GPR107: variants seen among roughly 807,000 people sequenced by gnomAD.
GPR107 encodes the protein G protein-coupled receptor 107, also known as protein GPR107.
Under a neutral mutation model 75.5 loss-of-function variants are expected in GPR107, and 31 were observed. The observed-to-expected ratio is 0.41, with a 90% CI of 0.31 to 0.55. The LOEUF is 0.55. Among genes scored for constraint, GPR107 ranks in the 20% least tolerant of loss-of-function variants. GPR107 has a pLI of 0.26. For missense variants in GPR107, 572 were observed against 665.7 expected, an observed-to-expected ratio of 0.86 and a Z score of 1.55; for synonymous variants, 267 against 251.3, an observed-to-expected ratio of 1.06 and a Z score of -0.59.
chr9:130,067,032 A>G (rs1050012739), intron 1 of GPR107, among the ~76,000 whole-genome samples: 1 of 152,054 alleles, frequency 6.6e-6, no homozygotes, highest in Non-Finnish European at 1.5e-5. Context: ...AGCTTACTCA[A>G]GCTGACTTGG....
At chr9:130,064,749 G>A (rs1274868828) in intron 1 of GPR107, among the ~76,000 whole-genome samples, 2 of 152,090 alleles carry the variant, frequency 1.3e-5, no homozygotes, top group African/African-American at 4.8e-5. Context: ...TTTTCAGTGT[G>A]CCAGGTGCCA....
intron 14 of GPR107, chr9:130,110,560 T>C (rs1217100559): frequency 6.1e-6 from 4 of 652,514 alleles, no homozygotes; most frequent in Non-Finnish European, 1.1e-5. Flanking sequence ...TTTTGGTTCA[T>C]GTTCTTTTCC....
chr9:130,076,428 A>C lies in GPR107; in HGVS notation c.272A>C (p.Asp91Ala), dbSNP rs11795316. The change falls in exon 3 of 18, where the codon GAC (aspartate) becomes GCC (alanine). Residue 91 changes from aspartate (D) to alanine (A), a missense_variant. Coordinates refer to ENST00000347136, the MANE Select transcript of GPR107 (RefSeq NM_020960.5). ...CCCCATTAGATTGGATTTAGCCTAGACCGTACAAAGAATGATGGCTTTTCT... is the reference window on the plus strand; with the variant it reads ...CCCCATTAGATTGGATTTAGCCTAGCCCGTACAAAGAATGATGGCTTTTCT... ...DKDVTIGFSL[D>A]RTKNDGFSSY... is the part of the protein sequence containing the mutation. 1 of 1,575,124 alleles carries C rather than the reference A, an allele frequency of 6.3e-7. No homozygotes were observed. Among genetic ancestry groups the C allele is most frequent in the Admixed American group, 1.7e-5 (1 of 59,966 alleles).
intron 5 of GPR107, among the ~76,000 whole-genome samples, chr9:130,081,411 CGCCTGTAA>C (rs1156988143): frequency 4.6e-5 from 7 of 151,784 alleles, no homozygotes; most frequent in Non-Finnish European, 1.5e-5. Flanking sequence ...TGGTGGCTCA[CGCCTGTAA>C]TCCCAGCACT....
At chr9:130,064,402 T>G (rs1005265136) in intron 1 of GPR107, among the ~76,000 whole-genome samples, 1 of 150,380 alleles carries the variant, frequency 6.6e-6, no homozygotes, top group Non-Finnish European at 1.5e-5. Flanking sequence ...GGGTTTCACC[T>G]TGTTAGCCAG....
At chr9:130,114,927 G>A (rs1172257892) in intron 14 of GPR107, among the ~76,000 whole-genome samples, 1 of 152,154 alleles carries the variant, frequency 6.6e-6, no homozygotes, top group Non-Finnish European at 1.5e-5. Flanking sequence ...CCAGATGCTT[G>A]TGGTTGTTTA....
intron 5 of GPR107, 133 bp downstream of exon 5, chr9:130,079,902 T>C (rs1830451667): frequency 2.0e-6 from 1 of 507,080 alleles, no homozygotes. Context: ...TACACAAAAA[T>C]ACGTAAATGT....
chr9:130,058,183 C>T (rs961775415), intron 1 of GPR107, among the ~76,000 whole-genome samples: 4 of 152,094 alleles, frequency 2.6e-5, no homozygotes, highest in African/African-American at 9.7e-5. Flanking sequence ...ATACTCCTTG[C>T]CTTTTAAGAA....
At chr9:130,097,074 G>GC (rs1830891192) in intron 9 of GPR107, among the ~76,000 whole-genome samples, 1 of 152,018 alleles carries the variant, frequency 6.6e-6, no homozygotes, top group African/African-American at 2.4e-5. Flanking sequence ...GTGGATCTGT[G>GC]CAGCCTCCGA....
At chr9:130,088,767 C>CAT (rs1366921126) in intron 7 of GPR107, among the ~76,000 whole-genome samples, 1 of 152,194 alleles carries the variant, frequency 6.6e-6, no homozygotes, top group Admixed American at 6.5e-5. Context: ...CTCCAAGGCC[C>CAT]ATGTGTTTAA....
At chr9:130,083,118 G>A (rs1316587586) in intron 5 of GPR107, among the ~76,000 whole-genome samples, 7 of 151,200 alleles carry the variant, frequency 4.6e-5, no homozygotes, top group Non-Finnish European at 8.8e-5. Flanking sequence ...ATGGGGGTTC[G>A]CCAGGTTGGC....
At chr9:130,133,993 G>C (rs1831892972) in intron 17 of GPR107, among the ~76,000 whole-genome samples, 2 of 152,208 alleles carry the variant, frequency 1.3e-5, no homozygotes, top group South Asian at 4.1e-4. Flanking sequence ...CATTTGTAGG[G>C]GAAGGGGTTA....
intron 14 of GPR107, among the ~76,000 whole-genome samples, chr9:130,116,903 T>C (rs1225936936): frequency 6.6e-6 from 1 of 152,176 alleles, no homozygotes; most frequent in East Asian, 1.9e-4. Context: ...TTTGATGACT[T>C]TTCATATCTC....
chr9:130,117,998 T>C (rs1831466718), intron 14 of GPR107, among the ~76,000 whole-genome samples: 1 of 152,216 alleles, frequency 6.6e-6, no homozygotes, highest in Non-Finnish European at 1.5e-5. Flanking sequence ...CTAAAGTCAC[T>C]AGTGGACTTT....
rs574345223 is a variant in GPR107 at position 130,100,516 on chromosome 9, C to T, written c.940-113C>T. Reference sequence around the variant, plus strand: ...AAGGCAATAATATATCCAGTGGCAGCGTCACCAAATGACAATGATTTGGAT... The same window carrying T: ...AAGGCAATAATATATCCAGTGGCAGTGTCACCAAATGACAATGATTTGGAT... On this transcript the variant is annotated intron_variant, in intron 10 of 17. Coordinates refer to ENST00000347136, the MANE Select transcript of GPR107 (RefSeq NM_020960.5). 662 of 795,004 alleles carry T rather than the reference C, an allele frequency of 8.3e-4. 10 individuals carry two copies. Among genetic ancestry groups the T allele is most frequent in the South Asian group, 8.3e-3 (566 of 68,278 alleles). 49.2% of individuals were successfully genotyped at this position (795,004 alleles called of 1,614,324 possible).
intron 15 of GPR107, among the ~76,000 whole-genome samples, chr9:130,126,232 A>G (rs1357716879): frequency 1.0e-5 from 1 of 97,806 alleles, no homozygotes; most frequent in African/African-American, 3.5e-5. Flanking sequence ...GCTAGCACCA[A>G]AAGACAGAGC....
intron 1 of GPR107, among the ~76,000 whole-genome samples, chr9:130,061,211 T>TAAATACTCCAC (rs1829918269): frequency 6.6e-6 from 1 of 152,190 alleles, no homozygotes; most frequent in Non-Finnish European, 1.5e-5. Context: ...GTATTCATTC[T>TAAATACTCCAC]AGTGGTAATG....
intron 3 of GPR107, 35 bp downstream of exon 3, chr9:130,076,497 C>T: frequency 7.7e-7 from 1 of 1,301,822 alleles, no homozygotes; most frequent in Non-Finnish European, 1.1e-6. Flanking sequence ...TTCATCTCTT[C>T]ACCTGAGCCC....
Position 130,121,243 on chromosome 9 carries a change from A to T in GPR107, c.1307-3672A>T, listed in dbSNP as rs185774551. Among the ~76,000 whole-genome samples the T allele has an allele frequency of 1.3e-3, 198 of 152,290 alleles. 1 individual carries two copies. The highest frequency in any genetic ancestry group is 4.4e-3 in the African/African-American group (184 of 41,566). On this transcript the variant is annotated intron_variant, in intron 14 of 17. Coordinates refer to ENST00000347136, the MANE Select transcript of GPR107 (RefSeq NM_020960.5). ...AAAACCCTTCAGAATAGCAGTGTCCAATCTTTTGGCTTCCCTGGGCCACAC... is the reference window on the plus strand; with the variant it reads ...AAAACCCTTCAGAATAGCAGTGTCCTATCTTTTGGCTTCCCTGGGCCACAC...
Sources: allele counts gnomAD v4.1 joint callset (sites outside exome capture counted in the v4.1 genomes callset), GRCh38; gene constraint gnomAD v4.1.1; transcripts MANE v1.5; gene names NCBI Gene and HGNC (gene_info 2026-07-23, HGNC 2026-07-21).